The following ANGPT1 variants were observed in gnomAD, a reference collection of about 807,000 sequenced individuals.
ANGPT1 encodes angiopoietin-1.
ANGPT1 carries 17 observed loss-of-function variants against 62.2 expected under a neutral mutation model. That is an observed-to-expected ratio of 0.27 (90% confidence interval 0.19 to 0.41). ANGPT1 has a LOEUF of 0.41. Among genes scored for constraint, ANGPT1 ranks in the 10% least tolerant of loss-of-function variants. The pLI, the probability that ANGPT1 is intolerant of heterozygous loss-of-function variation, is 1.00. For synonymous variants in ANGPT1, 199 were observed against 198.9 expected, an observed-to-expected ratio of 1.00 and a Z score of 0.00; for missense variants, 478 against 594.9, an observed-to-expected ratio of 0.80 and a Z score of 2.04.
intron 7 of ANGPT1, among the ~76,000 whole-genome samples, chr8:107,277,912 G>A (rs1163496860): frequency 6.6e-6 from 1 of 152,116 alleles, no homozygotes; most frequent in Non-Finnish European, 1.5e-5. Context: ...ATGGGATCCT[G>A]AATCCAAGTA....
intron 4 of ANGPT1, among the ~76,000 whole-genome samples, chr8:107,305,696 A>G (rs1170089542): frequency 6.6e-6 from 1 of 152,076 alleles, no homozygotes; most frequent in African/African-American, 2.4e-5. Flanking sequence ...TTATGGTAAC[A>G]TATCTGAAAT....
At chr8:107,255,727 C>G (rs1813343348) in intron 8 of ANGPT1, among the ~76,000 whole-genome samples, 1 of 152,096 alleles carries the variant, frequency 6.6e-6, no homozygotes, top group Admixed American at 6.5e-5. Context: ...TAAGAGCTAA[C>G]CAACCATTTT....
chr8:107,297,015 T>G (rs774806317), intron 5 of ANGPT1, among the ~76,000 whole-genome samples: 12 of 148,274 alleles, frequency 8.1e-5, no homozygotes, highest in Non-Finnish European at 1.2e-4. Flanking sequence ...TCTTAGCTTT[T>G]AAATCACTCG....
intron 1 of ANGPT1, among the ~76,000 whole-genome samples, chr8:107,377,923 G>GA (rs34583794): frequency 7.6e-5 from 5 of 65,474 alleles, no homozygotes; most frequent in South Asian, 5.2e-4. Context: ...ATATTGTCAT[G>GA]AAAAAAAAAC....
intron 1 of ANGPT1, among the ~76,000 whole-genome samples, chr8:107,480,211 G>T (rs1488156867): frequency 6.6e-6 from 1 of 152,128 alleles, no homozygotes; most frequent in Non-Finnish European, 1.5e-5. Flanking sequence ...CTCATGGAAA[G>T]TGCATAATAT....
At chr8:107,490,135 A>G (rs1434654495) in intron 1 of ANGPT1, among the ~76,000 whole-genome samples, 1 of 152,206 alleles carries the variant, frequency 6.6e-6, no homozygotes, top group African/African-American at 2.4e-5. Flanking sequence ...CATCTGCACA[A>G]GTGAGAGCAC....
intron 1 of ANGPT1, among the ~76,000 whole-genome samples, chr8:107,401,672 C>A (rs1817049913): frequency 1.3e-5 from 2 of 152,148 alleles, no homozygotes; most frequent in South Asian, 4.1e-4. Context: ...TCCTTTGATG[C>A]AGGATTATTT....
chr8:107,439,410 C>T (rs1811414175), intron 1 of ANGPT1, among the ~76,000 whole-genome samples: 1 of 152,214 alleles, frequency 6.6e-6, no homozygotes, highest in African/African-American at 2.4e-5. Flanking sequence ...TAAATGTACT[C>T]AACCAATTTT....
intron 7 of ANGPT1, among the ~76,000 whole-genome samples, chr8:107,277,710 T>C (rs537563132): frequency 1.3e-5 from 2 of 152,336 alleles, no homozygotes; most frequent in African/African-American, 4.8e-5. Flanking sequence ...ATATCATTTA[T>C]TTAGTATTCT....
At chr8:107,318,157 C>G (rs567019373) in intron 4 of ANGPT1, among the ~76,000 whole-genome samples, 1 of 152,160 alleles carries the variant, frequency 6.6e-6, no homozygotes, top group East Asian at 1.9e-4. Flanking sequence ...AAATGTGGCC[C>G]AATGTTTGCA....
At chr8:107,473,188 T>G (rs568317299) in intron 1 of ANGPT1, among the ~76,000 whole-genome samples, 2 of 152,238 alleles carry the variant, frequency 1.3e-5, no homozygotes, top group South Asian at 2.1e-4. Context: ...AAACCATTAT[T>G]CTTTCTCAGC....
chr8:107,345,242 T>C (rs1431928947), intron 2 of ANGPT1, among the ~76,000 whole-genome samples: 1 of 152,208 alleles, frequency 6.6e-6, no homozygotes, highest in African/African-American at 2.4e-5. Flanking sequence ...TGGTCTTTGA[T>C]AGTAAGTTTT....
chr8:107,425,641 G>C (rs72674311), intron 1 of ANGPT1, among the ~76,000 whole-genome samples: 21,553 of 152,164 alleles, frequency 0.14, 1,720 homozygotes, highest in Non-Finnish European at 0.19. Context: ...TCAGTCTCAA[G>C]GTGTGCTTGT....
At position 107,284,611 on chromosome 8, in the gene ANGPT1, A is replaced by T. The variant is rs568970299; in HGVS notation, c.1205+71T>A. The T allele has an allele frequency of 3.4e-5, 43 of 1,263,988 alleles. No homozygotes were observed. The East Asian group carries it at 8.8e-4, about 26-fold the overall frequency. The allele number at this position is 1,263,988 out of a possible 1,614,324, so 78.3% of individuals were successfully genotyped here. On this transcript the variant is annotated intron_variant, in intron 7 of 8. Transcript: ENST00000517746. ...AGGATGATTTTCATTTCTTTTTTTC[A>T]TATTTTCCCACTACAATTATTAAGT...
At chr8:107,473,474 G>A (rs922906124) in intron 1 of ANGPT1, among the ~76,000 whole-genome samples, 6 of 151,910 alleles carry the variant, frequency 3.9e-5, no homozygotes, top group African/African-American at 1.4e-4. Flanking sequence ...AAGCTCATAT[G>A]AGACATCTTG....
At chr8:107,366,140 C>G (rs1176858942) in intron 1 of ANGPT1, among the ~76,000 whole-genome samples, 2 of 152,172 alleles carry the variant, frequency 1.3e-5, no homozygotes, top group Non-Finnish European at 2.9e-5. Context: ...TATGTTATCA[C>G]TATATGCCCA....
intron 1 of ANGPT1, among the ~76,000 whole-genome samples, chr8:107,387,528 A>G (rs1040113240): frequency 1.2e-4 from 19 of 152,050 alleles, no homozygotes; most frequent in Non-Finnish European, 1.9e-4. Flanking sequence ...AATATTACCA[A>G]TGGTACAATA....
intron 3 of ANGPT1, among the ~76,000 whole-genome samples, chr8:107,332,756 T>A (rs1815453292): frequency 6.6e-6 from 1 of 152,134 alleles, no homozygotes; most frequent in South Asian, 2.1e-4. Context: ...CCCCTGACAT[T>A]CCTTGGGGAG....
chr8:107,322,148 A>G lies in ANGPT1; in HGVS notation c.576-20T>C. 1 of 1,559,976 alleles carries G rather than the reference A, an allele frequency of 6.4e-7. No individual in the cohort carries two copies. Among genetic ancestry groups the G allele is most frequent in the South Asian group, 1.2e-5 (1 of 84,918 alleles). ...AATAAACTACAAGGAAGTGAAAATA[A>G]AACTTAGATTTGAAAAAATGTTATA... is the stretch of plus-strand genomic sequence containing the variant. On this transcript the variant is annotated intron_variant, in intron 3 of 8. Coordinates refer to ENST00000517746, the MANE Select transcript of ANGPT1 (RefSeq NM_001146.5).
Sources: gnomAD v4.1 joint callset for allele counts (sites outside exome capture counted in the v4.1 genomes callset) on GRCh38, gnomAD v4.1.1 for gene constraint, MANE v1.5 for transcripts, NCBI Gene and HGNC (gene_info 2026-07-23, HGNC 2026-07-21) for gene names.